Variants in CFAP69 observed in about 807,000 individuals in gnomAD.
CFAP69 encodes cilia and flagella associated protein 69.
CFAP69 carries 92 observed loss-of-function variants against 123.0 expected under a neutral mutation model. The ratio of observed to expected loss-of-function variants is 0.75; its 90% CI spans 0.63 to 0.89. The LOEUF (loss-of-function observed/expected upper bound fraction) is 0.89. Among genes scored for constraint, CFAP69 ranks in the 40% least tolerant of loss-of-function variants. CFAP69 has a pLI of 0.00. For missense variants in CFAP69, 1,067 were observed against 1,096.9 expected (o/e 0.97, Z 0.39); for synonymous variants, 380 against 364.3 (o/e 1.04, Z -0.49).
At chr7:90,275,994 CA>C (rs1788552834) in intron 9 of CFAP69, 1 of 152,156 alleles carries the variant, frequency 6.6e-6, no homozygotes, top group Non-Finnish European at 1.5e-5. Context: ...CTCTTGGTCA[CA>C]AGATAGTTTT....
At chr7:90,295,339 A>C (rs1046510307) in intron 15 of CFAP69, among the ~76,000 whole-genome samples, 1 of 152,138 alleles carries the variant, frequency 6.6e-6, no homozygotes, top group Non-Finnish European at 1.5e-5. Context: ...AGGGGCTTTT[A>C]ACCCACTTTG....
chr7:90,316,473 G>C, the CFAP69 span: 1 of 152,086 alleles, frequency 6.6e-6, no homozygotes, highest in Non-Finnish European at 1.5e-5. Flanking sequence ...TCATAAAATT[G>C]CTTTTGAATT....
Position 90,245,490 on chromosome 7 carries a change from C to A in CFAP69, c.66C>A (p.Ser22Arg), listed in dbSNP as rs17862129. The change falls in exon 1 of 23, where the codon AGC becomes AGA. Residue 22 changes from serine (S) to arginine (R), a missense_variant. Transcript: ENST00000389297. The stretch of plus-strand genomic sequence containing the variant: ...AATCCGGCATCAGGAACAAGTCTAG[C>A]AGTTCCAGTCAAATCCCGGTGGTTG... Reference protein sequence around the residue: ...AQESGIRNKSSSSSQIPVVGV... With the variant: ...AQESGIRNKSRSSSQIPVVGV... 1,365 of 1,542,464 alleles carry A rather than the reference C, an allele frequency of 8.8e-4. 1 individual carries two copies. Among genetic ancestry groups the A allele is most frequent in the Non-Finnish European group, 1.1e-3 (1,307 of 1,147,612 alleles).
Position 90,265,362 on chromosome 7 carries a change from T to G in CFAP69, c.418T>G (p.Ser140Ala), listed in dbSNP as rs1405074948. The change falls in exon 5 of 23, where the codon TCA becomes GCA. Residue 140 changes from serine (S) to alanine (A), a missense_variant. Ser to Ala is a moderately conservative substitution (Grantham distance 99, BLOSUM62 1). Coordinates refer to ENST00000389297, the MANE Select transcript of CFAP69 (RefSeq NM_001039706.3). ...AACTTATGCTGAAGATACTGCTAATTCAATTGCACTTCTGGGTAAGTTAAG... is the reference window on the plus strand; with the variant it reads ...AACTTATGCTGAAGATACTGCTAATGCAATTGCACTTCTGGGTAAGTTAAG... The part of the protein sequence containing the change: ...EITYAEDTAN[S>A]IALLGDLMKI... 3 of 1,609,542 alleles carry G rather than the reference T, an allele frequency of 1.9e-6. No homozygotes were observed. Among genetic ancestry groups the G allele is most frequent in the Non-Finnish European group, 2.5e-6 (3 of 1,176,732 alleles).
chr7:90,307,662 T>C, intron 20 of CFAP69, 106 bp from the exon 21 acceptor site: 1 of 628,570 alleles, frequency 1.6e-6, no homozygotes, highest in Non-Finnish European at 2.7e-6. Context: ...AGAGAGATAC[T>C]TGAGACATGC....
Position 90,274,297 on chromosome 7 carries a change from A to T in CFAP69, c.984+187A>T, listed in dbSNP as rs1489621234. On this transcript the variant is annotated intron_variant, in intron 9 of 22. Coordinates refer to ENST00000389297, the MANE Select transcript of CFAP69 (RefSeq NM_001039706.3). Reference sequence around the variant, plus strand: ...TCTTTGCAATCCTTTGGAAATTTGGAATCTTCCTCATATTGTGTGATTTAT... The same window carrying T: ...TCTTTGCAATCCTTTGGAAATTTGGTATCTTCCTCATATTGTGTGATTTAT... Among the ~76,000 whole-genome samples, 7 of 152,218 alleles carry T rather than the reference A, an allele frequency of 4.6e-5. No homozygotes were observed. In the East Asian group the frequency reaches 1.4e-3, roughly 29 times the overall value.
intron 14 of CFAP69, 73 bp from the exon 15 acceptor site, chr7:90,288,161 G>A (rs1001903989): frequency 8.3e-6 from 10 of 1,211,314 alleles, no homozygotes; most frequent in Admixed American, 5.5e-5. Context: ...AATATTAGGG[G>A]ACCGATAAAG....
At chr7:90,277,173 A>C in intron 10 of CFAP69, 40 bp from the exon 11 acceptor site, 1 of 1,578,488 alleles carries the variant, frequency 6.3e-7, no homozygotes. Context: ...TAAGTCTTGT[A>C]CAACATTTAA....
At position 90,271,548 on chromosome 7, in the gene CFAP69, A is replaced by G; in HGVS notation, c.555A>G (p.Ser185=). Residue 185 remains serine, a synonymous_variant, in exon 7 of 23, where the codon TCA becomes TCG. Transcript: ENST00000389297. Reference sequence around the variant, plus strand: ...TAGGTTACCAGCAAGCGAGTTCATCATACAAGATTCAAATGGCTGAAGTTG... The same window carrying G: ...TAGGTTACCAGCAAGCGAGTTCATCGTACAAGATTCAAATGGCTGAAGTTG... The part of the protein sequence containing the change: ...HIPGYQQASS[S]YKIQMAEVGG... 6.2e-7 allele frequency: 1 copy of G among 1,612,276 alleles called. No homozygotes were observed. The highest frequency in any genetic ancestry group is 1.1e-5 in the South Asian group (1 of 90,880).
chr7:90,282,102 G>A (rs1051226183), intron 12 of CFAP69, among the ~76,000 whole-genome samples: 4 of 151,936 alleles, frequency 2.6e-5, no homozygotes, highest in African/African-American at 9.7e-5. Context: ...GCTCACACCT[G>A]TAATCCCAAC....
intron 2 of CFAP69, 38 bp from the exon 3 acceptor site, chr7:90,258,060 A>T: frequency 6.8e-7 from 1 of 1,480,896 alleles, no homozygotes; most frequent in Non-Finnish European, 9.3e-7. Context: ...CAACAGATTT[A>T]AAAGCACAAA....
intron 17 of CFAP69, chr7:90,300,823 G>GT (rs1792694663): frequency 6.6e-6 from 1 of 151,852 alleles, no homozygotes; most frequent in South Asian, 2.1e-4. Flanking sequence ...GCTAATTTTT[G>GT]TATTTTTTGT....
chr7:90,245,430 G>A lies in CFAP69; in HGVS notation c.6G>A (p.Trp2Ter), dbSNP rs570155326. 6.4e-7 allele frequency: 1 copy of A among 1,558,698 alleles called. No homozygotes were observed. Among genetic ancestry groups the A allele is most frequent in the Non-Finnish European group, 8.7e-7 (1 of 1,154,320 alleles). ...CCACCCCGCCGCCACCGGCCATGTG[G>A]ACAGAGGAAGCCGGGGCGACCGCCG... M[W>*]TEEAGATAEA... Residue 2 changes from tryptophan to a stop codon, truncating the protein, a stop_gained, in exon 1 of 23, where the codon TGG becomes TGA. Coordinates refer to ENST00000389297, the MANE Select transcript of CFAP69 (RefSeq NM_001039706.3). LOFTEE classifies it high-confidence loss of function.
intron 13 of CFAP69, 77 bp downstream of exon 13, chr7:90,283,133 C>A: frequency 8.8e-7 from 1 of 1,130,462 alleles, no homozygotes; most frequent in Non-Finnish European, 1.2e-6. Flanking sequence ...AATGTTTTTC[C>A]AAAATTTATT....
intron 1 of CFAP69, among the ~76,000 whole-genome samples, chr7:90,253,020 T>C (rs1021778067): frequency 6.6e-6 from 1 of 152,168 alleles, no homozygotes; most frequent in Non-Finnish European, 1.5e-5. Flanking sequence ...AAACAAAATA[T>C]ATAAAAATAA....
chr7:90,264,916 C>T (rs1320968085), intron 4 of CFAP69, among the ~76,000 whole-genome samples: 2 of 152,018 alleles, frequency 1.3e-5, no homozygotes, highest in Admixed American at 6.5e-5. Flanking sequence ...GCCTCAGCCT[C>T]CCGAGTAGCT....
At chr7:90,268,696 C>T (rs891997989) in intron 6 of CFAP69, among the ~76,000 whole-genome samples, 8 of 151,922 alleles carry the variant, frequency 5.3e-5, no homozygotes, top group African/African-American at 1.2e-4. Flanking sequence ...ATTTTTTAAA[C>T]ACTTTATAAT....
chr7:90,265,236 C>T (rs1798986670), intron 4 of CFAP69, 65 bp from the exon 5 acceptor site: 1 of 993,688 alleles, frequency 1.0e-6, no homozygotes, highest in Middle Eastern at 2.5e-4. Context: ...CCCCCACTTA[C>T]AAATGATGCT....
At chr7:90,290,977 C>G (rs1169585634) in intron 15 of CFAP69, among the ~76,000 whole-genome samples, 1 of 151,832 alleles carries the variant, frequency 6.6e-6, no homozygotes, top group Non-Finnish European at 1.5e-5. Context: ...GCAAGTAGCC[C>G]CGGCAGCAGC....
Sources: gnomAD v4.1 joint callset for allele counts (sites outside exome capture counted in the v4.1 genomes callset) on GRCh38, gnomAD v4.1.1 for gene constraint, MANE v1.5 for transcripts, NCBI Gene and HGNC (gene_info 2026-07-23, HGNC 2026-07-21) for gene names.